PXT1: variants seen among roughly 807,000 people sequenced by gnomAD.
The protein encoded by PXT1 is peroxisomal testis-specific protein 1.
In PXT1, 11 loss-of-function variants were observed where a neutral mutation model predicts 11.0. The observed-to-expected ratio is 1.00, with a 90% confidence interval of 0.63 to 1.66. The LOEUF (loss-of-function observed/expected upper bound fraction) is 1.66, where lower values mean the gene tolerates loss of function less well. Ranked by LOEUF, PXT1 falls within the 40% of genes most tolerant of loss-of-function variation. The pLI, the probability that PXT1 is intolerant of heterozygous loss-of-function variation, is 0.00. For synonymous variants in PXT1, 43 were observed against 51.4 expected (o/e 0.84, Z 0.70); for missense variants, 141 against 155.5 (o/e 0.91, Z 0.49).
At position 36,403,924 on chromosome 6, in the gene PXT1, A is replaced by G. The variant is rs146470703; in HGVS notation, c.170-3340T>C. On this transcript the variant is annotated intron_variant, in intron 3 of 4. Coordinates refer to ENST00000454782, the MANE Select transcript of PXT1 (RefSeq NM_152990.4). ...TGATGTTTTAGCCAGCATTTGGATA[A>G]CATTTGAAGCACAGGGGATGTAGAA... Among the ~76,000 whole-genome samples the G allele has an allele frequency of 8.3e-3, 1,257 of 152,336 alleles. 16 individuals carry two copies. The highest frequency in any genetic ancestry group is 0.029 in the African/African-American group (1,200 of 41,574).
Position 36,403,506 on chromosome 6 carries a change from T to C in PXT1, c.170-2922A>G, listed in dbSNP as rs898453330. ...GCATCAGCCTGTACAGAGAACGTGATGGAGAGAGGGCAGGTGTGGAAGGCA... is the reference window on the plus strand; with the variant it reads ...GCATCAGCCTGTACAGAGAACGTGACGGAGAGAGGGCAGGTGTGGAAGGCA... On this transcript the variant is annotated intron_variant, in intron 3 of 4. Coordinates refer to ENST00000454782, the MANE Select transcript of PXT1 (RefSeq NM_152990.4). Among the ~76,000 whole-genome samples the C allele has an allele frequency of 6.6e-5, 10 of 152,176 alleles. No homozygotes were observed. The South Asian group carries it at 8.3e-4, about 13-fold the overall frequency.
intron 4 of PXT1, among the ~76,000 whole-genome samples, chr6:36,398,421 T>C (rs1368414696): frequency 6.6e-6 from 1 of 152,138 alleles, no homozygotes; most frequent in Admixed American, 6.5e-5. Flanking sequence ...AAAAGTTATA[T>C]ACAAACATTC....
intron 3 of PXT1, among the ~76,000 whole-genome samples, chr6:36,405,324 T>C (rs1774272363): frequency 6.6e-6 from 1 of 152,106 alleles, no homozygotes; most frequent in Admixed American, 6.6e-5. Context: ...TGTAAAAGTT[T>C]CAAAATAAAA....
At chr6:36,394,632 A>C (rs1774114971) in intron 4 of PXT1, among the ~76,000 whole-genome samples, 1 of 151,944 alleles carries the variant, frequency 6.6e-6, no homozygotes, top group Non-Finnish European at 1.5e-5. Flanking sequence ...GGAGAGAAAA[A>C]TTTCAAAGGC....
At chr6:36,439,064 TC>T (rs1347615304) in intron 1 of PXT1, among the ~76,000 whole-genome samples, 178 bp from the exon 2 acceptor site, 3 of 151,790 alleles carry the variant, frequency 2.0e-5, no homozygotes, top group Non-Finnish European at 2.9e-5. Flanking sequence ...AGTGGTGCGA[TC>T]CTGGCTCACT....
chr6:36,422,708 A>T (rs1410020796), intron 3 of PXT1, among the ~76,000 whole-genome samples: 1 of 152,192 alleles, frequency 6.6e-6, no homozygotes, highest in Non-Finnish European at 1.5e-5. Flanking sequence ...CGAGGCAAAA[A>T]ATTAAAAAAA....
At chr6:36,424,656 T>C (rs553506188) in intron 3 of PXT1, among the ~76,000 whole-genome samples, 8 of 151,056 alleles carry the variant, frequency 5.3e-5, no homozygotes, top group African/African-American at 1.9e-4. Context: ...CAAAAACAAA[T>C]ACAAAAACAG....
chr6:36,415,337 G>C (rs1364082010), intron 3 of PXT1, among the ~76,000 whole-genome samples: 1 of 152,146 alleles, frequency 6.6e-6, no homozygotes, highest in South Asian at 2.1e-4. Flanking sequence ...CAGCTACTAG[G>C]GGGTGCTGAG....
chr6:36,432,053 AG>A (rs1348178756), intron 2 of PXT1, among the ~76,000 whole-genome samples: 1 of 152,172 alleles, frequency 6.6e-6, no homozygotes, highest in African/African-American at 2.4e-5. Context: ...CCTGGGCCAC[AG>A]CGCAAGACTC....
chr6:36,407,545 C>A (rs570203269), intron 3 of PXT1, among the ~76,000 whole-genome samples: 1 of 151,180 alleles, frequency 6.6e-6, no homozygotes, highest in Non-Finnish European at 1.5e-5. Context: ...CTAAATGGCC[C>A]AGTAAGGAAT....
intron 3 of PXT1, among the ~76,000 whole-genome samples, chr6:36,401,189 T>C (rs1774208412): frequency 6.6e-6 from 1 of 151,754 alleles, no homozygotes; most frequent in African/African-American, 2.4e-5. Context: ...AAATATAAAA[T>C]TATTAATGAT....
intron 3 of PXT1, among the ~76,000 whole-genome samples, chr6:36,402,545 C>T (rs1343582399): frequency 6.6e-6 from 1 of 152,030 alleles, no homozygotes; most frequent in East Asian, 1.9e-4. Flanking sequence ...ACATCTGAAA[C>T]GAAGTAGGTG....
intron 4 of PXT1, among the ~76,000 whole-genome samples, chr6:36,394,574 G>A (rs944097634): frequency 6.6e-6 from 1 of 152,150 alleles, no homozygotes; most frequent in Admixed American, 6.5e-5. Flanking sequence ...TTGGGGCATA[G>A]AGACAGGGGC....
chr6:36,403,783 C>A (rs1774246858), intron 3 of PXT1, among the ~76,000 whole-genome samples: 1 of 152,100 alleles, frequency 6.6e-6, no homozygotes, highest in African/African-American at 2.4e-5. Context: ...GTGGGAGGAT[C>A]ACTGAGCCCA....
At chr6:36,433,983 G>C (rs532423032) in intron 2 of PXT1, among the ~76,000 whole-genome samples, 1 of 152,042 alleles carries the variant, frequency 6.6e-6, no homozygotes, top group South Asian at 2.1e-4. Flanking sequence ...GTTAACAACT[G>C]TTTAATCTAT....
intron 3 of PXT1, among the ~76,000 whole-genome samples, chr6:36,405,824 A>T (rs1269301503): frequency 6.6e-6 from 1 of 152,220 alleles, no homozygotes; most frequent in Admixed American, 6.5e-5. Flanking sequence ...TAGATACACA[A>T]ACACCATTGT....
intron 2 of PXT1, among the ~76,000 whole-genome samples, chr6:36,430,958 G>A (rs1331811623): frequency 6.6e-6 from 1 of 152,020 alleles, no homozygotes; most frequent in Non-Finnish European, 1.5e-5. Flanking sequence ...GGGATTACAG[G>A]AGCTCACCAC....
intron 3 of PXT1, among the ~76,000 whole-genome samples, chr6:36,417,779 AAAAG>A (rs1286321608): frequency 1.1e-4 from 16 of 151,570 alleles, no homozygotes; most frequent in Non-Finnish European, 2.1e-4. Context: ...AAAAAAAAAA[AAAAG>A]AAAGAAAGAA....
chr6:36,399,052 T>C (rs1306935798), intron 4 of PXT1, among the ~76,000 whole-genome samples: 3 of 152,240 alleles, frequency 2.0e-5, no homozygotes, highest in Non-Finnish European at 2.9e-5. Context: ...AATTGGCTTA[T>C]CAAATAGTTT....
Sources: allele counts gnomAD v4.1 joint callset (sites outside exome capture counted in the v4.1 genomes callset), GRCh38; gene constraint gnomAD v4.1.1; transcripts MANE v1.5; gene names NCBI Gene and HGNC (gene_info 2026-07-23, HGNC 2026-07-21).